The following LYRM7 variants were observed in gnomAD, a reference collection of about 807,000 sequenced individuals.
LYRM7 encodes LYR motif containing 7.
LYRM7 carries 9 observed loss-of-function variants against 15.8 expected under a neutral mutation model. The observed-to-expected ratio is 0.57, with a 90% CI of 0.34 to 0.99. The LOEUF is 0.99. Among genes scored for constraint, LYRM7 ranks in the 50% least tolerant of loss-of-function variants. The probability of loss-of-function intolerance (pLI) is 0.02; values close to 1 mark genes in which losing one functional copy is unlikely to be tolerated. For synonymous variants in LYRM7, 39 were observed against 39.4 expected, an observed-to-expected ratio of 0.99 and a Z score of 0.04; for missense variants, 115 against 119.1, an observed-to-expected ratio of 0.97 and a Z score of 0.16.
At chr5:131,173,427 G>T (rs1755552669) in intron 1 of LYRM7, among the ~76,000 whole-genome samples, 1 of 152,230 alleles carries the variant, frequency 6.6e-6, no homozygotes, top group Non-Finnish European at 1.5e-5. Context: ...TCTATTAAGT[G>T]TGCAGTAGCA....
At chr5:131,196,672 T>C (rs1341660349) in intron 4 of LYRM7, among the ~76,000 whole-genome samples, 1 of 147,774 alleles carries the variant, frequency 6.8e-6, no homozygotes, top group Non-Finnish European at 1.5e-5. Flanking sequence ...CTGTATTTCT[T>C]TTTTTTTTTT....
chr5:131,186,030 A>G (rs1404961590), intron 3 of LYRM7, among the ~76,000 whole-genome samples: 1 of 152,242 alleles, frequency 6.6e-6, no homozygotes, highest in African/African-American at 2.4e-5. Flanking sequence ...CTGTAAAGGT[A>G]AAAAATGGTA....
At position 131,205,218 on chromosome 5, in the gene LYRM7, T is replaced by C. The variant is rs1402615430; in HGVS notation, c.*5617T>C. On this transcript the variant is annotated 3_prime_UTR_variant, in exon 5 of 5. Coordinates refer to ENST00000379380, the MANE Select transcript of LYRM7 (RefSeq NM_181705.4). ...AGTTTGTGGATATCATTCCCTTACT[T>C]GTGTTTATACTTTTACCAAGTGTGT... 6.6e-6 allele frequency: 1 copy of C among 152,256 alleles called. No homozygotes were observed. The allele number at this position is 152,256 out of a possible 1,614,324, so 9.4% of individuals were successfully genotyped here.
chr5:131,179,786 A>G (rs2149660623), intron 1 of LYRM7, among the ~76,000 whole-genome samples: 1 of 152,182 alleles, frequency 6.6e-6, no homozygotes, highest in South Asian at 2.1e-4. Flanking sequence ...AAATACAAAA[A>G]TTAGCCAGGC....
intron 4 of LYRM7, 37 bp from the exon 5 acceptor site, chr5:131,199,493 AG>A (rs1308413431): frequency 7.2e-7 from 1 of 1,390,042 alleles, no homozygotes; most frequent in Non-Finnish European, 9.9e-7. Flanking sequence ...TTCTAATTTT[AG>A]TGATGTTAAT....
intron 1 of LYRM7, among the ~76,000 whole-genome samples, chr5:131,174,061 G>T (rs1015126322): frequency 6.6e-6 from 1 of 152,136 alleles, no homozygotes; most frequent in African/African-American, 2.4e-5. Context: ...TTTCAAATTG[G>T]ATTCAATCCT....
chr5:131,178,587 G>T (rs1401916098), intron 1 of LYRM7, among the ~76,000 whole-genome samples: 1 of 151,972 alleles, frequency 6.6e-6, no homozygotes, highest in African/African-American at 2.4e-5. Flanking sequence ...AAAATGCCAG[G>T]CTCTTTTCTC....
At chr5:131,195,746 A>G (rs1214831628) in intron 4 of LYRM7, among the ~76,000 whole-genome samples, 4 of 152,170 alleles carry the variant, frequency 2.6e-5, no homozygotes, top group African/African-American at 9.7e-5. Flanking sequence ...TGAAGCTTAT[A>G]AAGTTTTTGA....
At chr5:131,189,508 A>G (rs183924281) in intron 4 of LYRM7, among the ~76,000 whole-genome samples, 82 of 143,784 alleles carry the variant, frequency 5.7e-4, no homozygotes, top group African/African-American at 1.5e-3. Flanking sequence ...GGTTGTTTAT[A>G]TCAACTAGAG....
At chr5:131,198,884 T>C (rs1253988354) in intron 4 of LYRM7, among the ~76,000 whole-genome samples, 1 of 152,118 alleles carries the variant, frequency 6.6e-6, no homozygotes, top group African/African-American at 2.4e-5. Context: ...AATTTGTATC[T>C]TAAGAGCTTT....
At chr5:131,176,524 T>A (rs1233798667) in intron 1 of LYRM7, among the ~76,000 whole-genome samples, 4 of 151,758 alleles carry the variant, frequency 2.6e-5, no homozygotes, top group African/African-American at 9.7e-5. Flanking sequence ...TTATGGGTTT[T>A]TTTTTTTTTG....
Position 131,202,784 on chromosome 5 carries a change from G to C in LYRM7, c.*3183G>C. 1 of 152,220 alleles carries C rather than the reference G, an allele frequency of 6.6e-6. No individual in the cohort carries two copies. Among genetic ancestry groups the C allele is most frequent in the East Asian group, 1.9e-4 (1 of 5,334 alleles). The allele number at this position is 152,220 out of a possible 1,614,324, so 9.4% of individuals were successfully genotyped here. On this transcript the variant is annotated 3_prime_UTR_variant, in exon 5 of 5. Coordinates refer to ENST00000379380, the MANE Select transcript of LYRM7 (RefSeq NM_181705.4). ...GACTATTGAGATCTAGTGAAAGTGG[G>C]GTATATGAATTCTAATTGCAAATAT...
At chr5:131,190,089 G>A (rs1219596234) in intron 4 of LYRM7, among the ~76,000 whole-genome samples, 5 of 147,906 alleles carry the variant, frequency 3.4e-5, no homozygotes, top group African/African-American at 7.5e-5. Flanking sequence ...ACCCGAGATC[G>A]CACCACTGCA....
intron 4 of LYRM7, among the ~76,000 whole-genome samples, chr5:131,191,979 T>G (rs1191619747): frequency 6.7e-6 from 1 of 150,008 alleles, no homozygotes; most frequent in Non-Finnish European, 1.5e-5. Flanking sequence ...ATAACCAAGA[T>G]ACGGAATCAA....
intron 4 of LYRM7, among the ~76,000 whole-genome samples, chr5:131,195,388 A>G (rs1755948133): frequency 6.6e-6 from 1 of 152,202 alleles, no homozygotes; most frequent in South Asian, 2.1e-4. Context: ...AATTCTGTCT[A>G]CAGCCTAGAG....
intron 1 of LYRM7, among the ~76,000 whole-genome samples, chr5:131,175,110 AG>A (rs1174782016): frequency 6.6e-6 from 1 of 151,840 alleles, no homozygotes; most frequent in African/African-American, 2.4e-5. Flanking sequence ...GAGCACAGGT[AG>A]AGTAGACTTA....
chr5:131,175,511 T>C (rs1755588423), intron 1 of LYRM7, among the ~76,000 whole-genome samples: 1 of 151,774 alleles, frequency 6.6e-6, no homozygotes, highest in African/African-American at 2.4e-5. Flanking sequence ...CTCGGCCTTT[T>C]TTGGGTGTGT....
Position 131,204,262 on chromosome 5 carries a change from A to G in LYRM7, c.*4661A>G, listed in dbSNP as rs548528978. The G allele has an allele frequency of 1.3e-5, 2 of 152,220 alleles. No individual in the cohort carries two copies. The highest frequency in any genetic ancestry group is 3.9e-4 in the East Asian group (2 of 5,188). 9.4% of individuals were successfully genotyped at this position (152,220 alleles called of 1,614,324 possible). On this transcript the variant is annotated 3_prime_UTR_variant, in exon 5 of 5. Transcript: ENST00000379380. The stretch of plus-strand genomic sequence containing the variant: ...TTTTGAAAGGAAAATTGACATCATC[A>G]AAATTTTAAATATATTCAGTCTATT...
intron 4 of LYRM7, among the ~76,000 whole-genome samples, chr5:131,196,669 T>C (rs1229247553): frequency 6.6e-6 from 1 of 151,202 alleles, no homozygotes; most frequent in African/African-American, 2.4e-5. Flanking sequence ...AATCTGTATT[T>C]CTTTTTTTTT....
Sources: gnomAD v4.1 joint callset for allele counts (sites outside exome capture counted in the v4.1 genomes callset) on GRCh38, gnomAD v4.1.1 for gene constraint, MANE v1.5 for transcripts, NCBI Gene and HGNC (gene_info 2026-07-23, HGNC 2026-07-21) for gene names.